The following RANBP2 variants were observed in gnomAD, a reference collection of about 807,000 sequenced individuals.
RANBP2 encodes RAN binding protein 2.
RANBP2 carries 57 observed loss-of-function variants against 303.6 expected under a neutral mutation model. The ratio of observed to expected loss-of-function variants is 0.19; its 90% confidence interval spans 0.15 to 0.23. The LOEUF (loss-of-function observed/expected upper bound fraction) is 0.23, where lower values mean the gene tolerates loss of function less well. Ranked by LOEUF, RANBP2 falls within the 10% of genes least tolerant of loss-of-function variation. The pLI is 1.00. For synonymous variants in RANBP2, 1,167 were observed against 1,301.5 expected (o/e 0.90, Z 2.23); for missense variants, 3,138 against 3,780.8 (o/e 0.83, Z 4.46).
the RANBP2 span, among the ~76,000 whole-genome samples, chr2:109,176,137 C>T: frequency 6.6e-6 from 1 of 152,098 alleles, no homozygotes; most frequent in African/African-American, 2.4e-5. Flanking sequence ...CTTTACTTGG[C>T]CCAGTGCTAA....
the RANBP2 span, among the ~76,000 whole-genome samples, chr2:109,162,483 A>G: frequency 6.6e-6 from 1 of 152,158 alleles, no homozygotes; most frequent in Non-Finnish European, 1.5e-5. Context: ...TTACCTATGT[A>G]TACATGTGCC....
chr2:109,699,836 G>A, the RANBP2 span, among the ~76,000 whole-genome samples: 4 of 152,114 alleles, frequency 2.6e-5, no homozygotes, highest in African/African-American at 9.7e-5. Context: ...GGAGGGGAGG[G>A]CTCTTCAGCT....
chr2:109,352,528 T>C, the RANBP2 span, among the ~76,000 whole-genome samples: 23 of 152,220 alleles, frequency 1.5e-4, no homozygotes, highest in Admixed American at 1.5e-3. Context: ...GGGATGACTT[T>C]GGGGGCCGAG....
the RANBP2 span, among the ~76,000 whole-genome samples, chr2:108,853,036 A>T: frequency 6.6e-6 from 1 of 152,238 alleles, no homozygotes; most frequent in Non-Finnish European, 1.5e-5. Flanking sequence ...AAAATACATC[A>T]TAACCTTTCG....
chr2:108,764,664 C>T lies in RANBP2; in HGVS notation c.4125C>T (p.Cys1375=), dbSNP rs754177697. 1 of 1,613,902 alleles carries T rather than the reference C, an allele frequency of 6.2e-7. No individual in the cohort carries two copies. The highest frequency in any genetic ancestry group is 1.7e-5 in the Admixed American group (1 of 59,988). ...CAACTGCTAAGAAATGTGTATCATG[C>T]CAAAATCTAAACCCAAGCAATAAAG... is the stretch of plus-strand genomic sequence containing the variant. ...NASTAKKCVS[C]QNLNPSNKEL... The change falls in exon 20 of 29, where the codon TGC becomes TGT. Residue 1375 remains cysteine (C), a synonymous_variant. Transcript: ENST00000283195.
chr2:109,622,212 A>G, the RANBP2 span, among the ~76,000 whole-genome samples: 1 of 152,210 alleles, frequency 6.6e-6, no homozygotes, highest in Admixed American at 6.5e-5. Flanking sequence ...GCAAAAACCC[A>G]AATAGCTGCT....
the RANBP2 span, among the ~76,000 whole-genome samples, chr2:108,963,354 T>C: frequency 2.6e-5 from 4 of 152,182 alleles, no homozygotes; most frequent in Non-Finnish European, 5.9e-5. Flanking sequence ...AAAATCTGTT[T>C]CTAGGATGCC....
chr2:109,653,444 A>C, the RANBP2 span, among the ~76,000 whole-genome samples: 2 of 150,876 alleles, frequency 1.3e-5, no homozygotes, highest in Non-Finnish European at 2.9e-5. Flanking sequence ...CCTGTCATGC[A>C]TGACAGGCAC....
At chr2:109,305,390 G>T in the RANBP2 span, among the ~76,000 whole-genome samples, 2 of 152,052 alleles carry the variant, frequency 1.3e-5, no homozygotes, top group Non-Finnish European at 2.9e-5. Context: ...GTGTCTCGGG[G>T]CAATCAAAGG....
chr2:109,318,953 G>A, the RANBP2 span, among the ~76,000 whole-genome samples: 1 of 152,236 alleles, frequency 6.6e-6, no homozygotes, highest in Admixed American at 6.5e-5. Context: ...TAACTTCCCT[G>A]AGAACATTTG....
the RANBP2 span, among the ~76,000 whole-genome samples, chr2:109,534,309 G>A: frequency 6.6e-6 from 1 of 152,146 alleles, no homozygotes; most frequent in Non-Finnish European, 1.5e-5. Context: ...TCCTTAGGGC[G>A]CTCGGCCTCA....
At chr2:109,469,171 C>T in the RANBP2 span, among the ~76,000 whole-genome samples, 1 of 152,224 alleles carries the variant, frequency 6.6e-6, no homozygotes, top group Non-Finnish European at 1.5e-5. Flanking sequence ...CAGCATTCCA[C>T]AGCCCGTGCT....
At chr2:109,001,276 C>A in the RANBP2 span, among the ~76,000 whole-genome samples, 1 of 152,190 alleles carries the variant, frequency 6.6e-6, no homozygotes, top group African/African-American at 2.4e-5. Flanking sequence ...AATCAGGACC[C>A]TCAGCTGAGA....
the RANBP2 span, among the ~76,000 whole-genome samples, chr2:108,948,459 G>T: frequency 6.6e-6 from 1 of 152,246 alleles, no homozygotes; most frequent in African/African-American, 2.4e-5. Flanking sequence ...GTATTAGTCC[G>T]TTCTCACACT....
chr2:109,735,601 T>C, the RANBP2 span, among the ~76,000 whole-genome samples: 4 of 152,176 alleles, frequency 2.6e-5, no homozygotes, highest in Non-Finnish European at 1.5e-5. Context: ...TTCAATTTTA[T>C]TACAAGTTTT....
chr2:108,766,574 A>G lies in RANBP2; in HGVS notation c.6035A>G (p.His2012Arg), dbSNP rs772929320. The change falls in exon 20 of 29, where the codon CAT becomes CGT. Residue 2012 changes from histidine (H) to arginine (R), a missense_variant. This residue lies in a region of RANBP2 where 348 missense variants were observed against 360.4 expected (regional missense o/e 0.97). Coordinates refer to ENST00000283195, the MANE Select transcript of RANBP2 (RefSeq NM_006267.5). ...AAGACTGAGGACAGCGATGACATCC[A>G]TTTTGAACCAGTAGTTCAAATGCCC... ...AYKTEDSDDIHFEPVVQMPEK... is the reference protein window; with the variant it reads ...AYKTEDSDDIRFEPVVQMPEK... 164 of 1,611,924 alleles carry G rather than the reference A, an allele frequency of 1.0e-4. No homozygotes were observed. The highest frequency in any genetic ancestry group is 1.3e-4 in the Non-Finnish European group (152 of 1,179,864).
the RANBP2 span, among the ~76,000 whole-genome samples, chr2:108,860,243 G>A: frequency 6.6e-6 from 1 of 151,894 alleles, no homozygotes; most frequent in Non-Finnish European, 1.5e-5. Flanking sequence ...GGAGTCTTTT[G>A]GCAAGATCTT....
the RANBP2 span, among the ~76,000 whole-genome samples, chr2:109,611,269 G>GCC: frequency 6.6e-6 from 1 of 152,272 alleles, no homozygotes; most frequent in East Asian, 1.9e-4. Context: ...GGGATCTAAG[G>GCC]TTAGGCAAAG....
the RANBP2 span, among the ~76,000 whole-genome samples, chr2:108,803,135 A>G: frequency 2.4e-4 from 36 of 152,336 alleles, no homozygotes; most frequent in Admixed American, 1.9e-3. Flanking sequence ...GTGCAGGTAA[A>G]GAGGCATTAA....
Sources: gnomAD v4.1 joint callset for allele counts (sites outside exome capture counted in the v4.1 genomes callset) on GRCh38, gnomAD v4.1.1 for gene constraint, gnomAD v4.1.1 regional missense constraint, MANE v1.5 for transcripts, NCBI Gene and HGNC (gene_info 2026-07-23, HGNC 2026-07-21) for gene names.